LIMA1: variants seen among roughly 807,000 people sequenced by gnomAD.
LIMA1 encodes LIM domain and actin binding 1.
A neutral mutation model predicts 62.6 loss-of-function variants in LIMA1; 52 were observed. That is an observed-to-expected ratio of 0.83 (90% CI 0.67 to 1.05). The LOEUF (loss-of-function observed/expected upper bound fraction) is 1.05. Among genes scored for constraint, LIMA1 ranks in the 50% least tolerant of loss-of-function variants. LIMA1 has a pLI of 0.00. For missense variants in LIMA1, 780 were observed against 902.2 expected (o/e 0.86, Z 1.74); for synonymous variants, 302 against 317.8 (o/e 0.95, Z 0.53).
chr12:50,239,996 A>AATAAC (rs373467242), intron 2 of LIMA1, among the ~76,000 whole-genome samples: 11,867 of 128,564 alleles, frequency 0.092, 749 homozygotes, highest in Non-Finnish European at 0.12. Context: ...TCTATCTCAA[A>AATAAC]ATAACATAAC....
intron 1 of LIMA1, among the ~76,000 whole-genome samples, chr12:50,250,135 CT>C (rs1941908087): frequency 1.3e-5 from 2 of 151,746 alleles, no homozygotes. Flanking sequence ...CCTGTCTCTA[CT>C]GAAAACACAA....
intron 8 of LIMA1, chr12:50,195,554 T>C (rs1940909754): frequency 3.3e-6 from 1 of 307,414 alleles, no homozygotes; most frequent in Non-Finnish European, 5.9e-6. Context: ...TTTATACAGC[T>C]TCAATTCTGA....
intron 9 of LIMA1, chr12:50,188,419 T>C (rs1448608294): frequency 6.6e-6 from 1 of 152,138 alleles, no homozygotes; most frequent in African/African-American, 2.4e-5. Context: ...AGCAAATAAA[T>C]TGCCCTTAAA....
chr12:50,244,367 T>A (rs1448751633), intron 2 of LIMA1, among the ~76,000 whole-genome samples: 1 of 152,140 alleles, frequency 6.6e-6, no homozygotes, highest in Admixed American at 6.6e-5. Context: ...CCTCCCAAAG[T>A]ACTGGGATTA....
chr12:50,281,807 G>A (rs1261586204), intron 1 of LIMA1, among the ~76,000 whole-genome samples: 1 of 152,162 alleles, frequency 6.6e-6, no homozygotes, highest in Non-Finnish European at 1.5e-5. Context: ...AAAAGCAGAA[G>A]AGAGAATTAA....
intron 3 of LIMA1, among the ~76,000 whole-genome samples, chr12:50,226,832 C>CAAAA (rs1941536299): frequency 7.1e-6 from 1 of 141,432 alleles, no homozygotes. Flanking sequence ...AGCAAGATTC[C>CAAAA]ATATGAAAAA....
chr12:50,187,419 G>C (rs2138406308), intron 9 of LIMA1: 1 of 152,172 alleles, frequency 6.6e-6, no homozygotes, highest in East Asian at 1.9e-4. Flanking sequence ...TAATGAAACT[G>C]AAATTCTTCA....
At chr12:50,278,777 T>C (rs1942303744) in intron 1 of LIMA1, among the ~76,000 whole-genome samples, 1 of 152,176 alleles carries the variant, frequency 6.6e-6, no homozygotes, top group Non-Finnish European at 1.5e-5. Context: ...AAATTTTTGA[T>C]GCTATGAAAA....
In LIMA1 at chr12:50,225,263, T is replaced by C. The variant is rs77529623; in HGVS notation, c.166-2778A>G. On this transcript the variant is annotated intron_variant, in intron 3 of 10. Coordinates refer to ENST00000341247, the MANE Select transcript of LIMA1 (RefSeq NM_016357.5). ...ATTTTTAATTTATTATTTTTCTCAA[T>C]TAAAAAAGTAATAACTTATTGGGGG... 6.7e-3 allele frequency among the ~76,000 whole-genome samples: 1,027 copies of C among 152,262 alleles called. 43 individuals are homozygous for C. The highest frequency in any genetic ancestry group is 0.051 in the Admixed American group (775 of 15,280).
intron 9 of LIMA1, among the ~76,000 whole-genome samples, chr12:50,182,352 A>C (rs1184967524): frequency 8.1e-6 from 1 of 123,864 alleles, no homozygotes; most frequent in Admixed American, 8.0e-5. Context: ...GGATGGGGGA[A>C]GGGGTCGGGG....
At chr12:50,205,398 T>C (rs1220202207) in intron 5 of LIMA1, among the ~76,000 whole-genome samples, 1 of 152,082 alleles carries the variant, frequency 6.6e-6, no homozygotes, top group Non-Finnish European at 1.5e-5. Flanking sequence ...CTGGCTAATT[T>C]AACATGAAAA....
intron 4 of LIMA1, 103 bp downstream of exon 4, chr12:50,221,918 C>CTA: frequency 1.1e-6 from 1 of 899,502 alleles, no homozygotes; most frequent in Non-Finnish European, 1.7e-6. Context: ...AAAAGACATA[C>CTA]TGACCACATA....
At chr12:50,191,108 CAAA>C (rs745749669) in intron 9 of LIMA1, among the ~76,000 whole-genome samples, 10 of 46,704 alleles carry the variant, frequency 2.1e-4, no homozygotes, top group Admixed American at 2.3e-4. Flanking sequence ...GAACCTGTCT[CAAA>C]AAAAAAAAAA....
intron 2 of LIMA1, among the ~76,000 whole-genome samples, chr12:50,240,865 C>T (rs528456686): frequency 2.6e-5 from 4 of 151,846 alleles, no homozygotes; most frequent in African/African-American, 4.8e-5. Context: ...CCTGGAGACT[C>T]GAACATTTCA....
intron 3 of LIMA1, among the ~76,000 whole-genome samples, chr12:50,229,442 AC>A (rs1196848349): frequency 5.9e-5 from 9 of 152,276 alleles, no homozygotes; most frequent in African/African-American, 2.2e-4. Context: ...TATCGCAAGG[AC>A]AAAAAACCAA....
intron 8 of LIMA1, among the ~76,000 whole-genome samples, chr12:50,194,851 C>G (rs928783825): frequency 6.6e-6 from 1 of 152,040 alleles, no homozygotes; most frequent in African/African-American, 2.4e-5. Flanking sequence ...AGTTCAAGAC[C>G]AGCCTGGGCT....
rs1424910335 is a variant in LIMA1 at position 50,283,007 on chromosome 12, G to GA, written c.-24+412dup. Among the ~76,000 whole-genome samples, 8 of 152,224 alleles carry GA rather than the reference G, an allele frequency of 5.3e-5. No individual in the cohort carries two copies. The South Asian group carries it at 1.2e-3, about 24-fold the overall frequency. On this transcript the variant is annotated intron_variant, in intron 1 of 10. Transcript: ENST00000341247. ...AGTTCAGCTGGCGTAATGGAAGGGA[G>GA]AAAAAATCGAAAAGAGAGGGAATGG...
At chr12:50,242,893 A>G (rs1941797767) in intron 2 of LIMA1, among the ~76,000 whole-genome samples, 1 of 152,178 alleles carries the variant, frequency 6.6e-6, no homozygotes, top group Non-Finnish European at 1.5e-5. Context: ...ACTGGCCCTG[A>G]GATTCCTCTG....
intron 2 of LIMA1, among the ~76,000 whole-genome samples, chr12:50,232,185 G>T (rs1355386535): frequency 6.7e-6 from 1 of 149,936 alleles, no homozygotes; most frequent in Non-Finnish European, 1.5e-5. Context: ...TCAGCCTCCT[G>T]AGTGGCTGGG....
Sources: allele counts gnomAD v4.1 joint callset (sites outside exome capture counted in the v4.1 genomes callset), GRCh38; gene constraint gnomAD v4.1.1; transcripts MANE v1.5; gene names NCBI Gene and HGNC (gene_info 2026-07-23, HGNC 2026-07-21).